The following AXL variants were observed in gnomAD, a reference collection of about 807,000 sequenced individuals.
AXL encodes the protein tyrosine-protein kinase receptor UFO.
AXL carries 52 observed loss-of-function variants against 104.5 expected under a neutral mutation model. The ratio of observed to expected loss-of-function variants is 0.50; its 90% confidence interval spans 0.40 to 0.63. The LOEUF (loss-of-function observed/expected upper bound fraction) is 0.63, where lower values mean the gene tolerates loss of function less well. AXL is among the 20% of genes least tolerant of loss of function. The probability of loss-of-function intolerance (pLI) is 0.00; values close to 1 mark genes in which losing one functional copy is unlikely to be tolerated. For missense variants in AXL, 1,024 were observed against 1,188.5 expected, an observed-to-expected ratio of 0.86 and a Z score of 2.04; for synonymous variants, 455 against 473.7, an observed-to-expected ratio of 0.96 and a Z score of 0.51.
At chr19:41,251,733 C>CAA (rs2034365700) in intron 14 of AXL, among the ~76,000 whole-genome samples, 1 of 151,578 alleles carries the variant, frequency 6.6e-6, no homozygotes, top group Admixed American at 6.6e-5. Flanking sequence ...AAATAAAAAA[C>CAA]AAAAACAAAA....
intron 19 of AXL, among the ~76,000 whole-genome samples, chr19:41,257,896 A>G (rs2034480099): frequency 6.6e-6 from 1 of 152,226 alleles, no homozygotes; most frequent in South Asian, 2.1e-4. Flanking sequence ...ATCCTTGGGT[A>G]GTGAATAACA....
At chr19:41,238,196 G>A (rs75837457) in intron 7 of AXL, 42 bp downstream of exon 7, 13 of 1,600,648 alleles carry the variant, frequency 8.1e-6, no homozygotes, top group African/African-American at 5.4e-5. Context: ...CTGCCCCACC[G>A]GACCTTGCTT....
intron 15 of AXL, 86 bp downstream of exon 15, chr19:41,252,529 T>C (rs1395824099): frequency 1.4e-6 from 2 of 1,472,634 alleles, no homozygotes; most frequent in Non-Finnish European, 1.9e-6. Context: ...CCTGGGAAGA[T>C]CAAACTTCCA....
In AXL at chr19:41,221,660, G is replaced by A. The variant is rs181246771; in HGVS notation, c.410-220G>A. On this transcript the variant is annotated intron_variant, in intron 3 of 19. Coordinates refer to ENST00000301178, the MANE Select transcript of AXL (RefSeq NM_021913.5). The stretch of plus-strand genomic sequence containing the variant: ...GTCAGACATTCTGGAAGAGAGACAT[G>A]AGGAGCTCAGCTATCGTGGGGGGTC... 2.3e-5 allele frequency: 13 copies of A among 565,192 alleles called. No homozygotes were observed. The African/African-American group carries it at 2.5e-4, about 11-fold the overall frequency. The allele number at this position is 565,192 out of a possible 1,614,324, so 35.0% of individuals were successfully genotyped here. A position where few individuals can be genotyped will look rare whatever the true frequency, so the allele number is the denominator to read the frequency against.
chr19:41,233,123 G>A (rs2034021225), intron 6 of AXL, among the ~76,000 whole-genome samples: 1 of 151,610 alleles, frequency 6.6e-6, no homozygotes, highest in Admixed American at 6.6e-5. Context: ...CTGAGTAGCT[G>A]GTATTACAGG....
In AXL at chr19:41,259,966, C is replaced by T. The variant is rs2034512597; in HGVS notation, c.*62C>T. On this transcript the variant is annotated 3_prime_UTR_variant, in exon 20 of 20. Coordinates refer to ENST00000301178, the MANE Select transcript of AXL (RefSeq NM_021913.5). ...AGCTAAGCACTGCCACTGGGGAAAA[C>T]TCCACCTTCCCACTTTCCCACCCCA... is the stretch of plus-strand genomic sequence containing the variant. 11 of 1,419,096 alleles carry T rather than the reference C, an allele frequency of 7.8e-6. No homozygotes were observed. The highest frequency in any genetic ancestry group is 1.4e-5 in the South Asian group (1 of 70,350). The allele number at this position is 1,419,096 out of a possible 1,614,324, so 87.9% of individuals were successfully genotyped here.
intron 4 of AXL, among the ~76,000 whole-genome samples, chr19:41,229,575 A>G (rs2122215676): frequency 6.6e-6 from 1 of 152,250 alleles, no homozygotes; most frequent in South Asian, 2.1e-4. Context: ...AAGCTCCAAT[A>G]TTAACAGGGT....
In AXL at chr19:41,243,621, T is replaced by C. The variant is rs1051706028; in HGVS notation, c.1451T>C (p.Val484Ala). ...CTACTCCCCCTCCCCCCCAGAGAAG[T>C]GTTTGAACCAACAGTGGAAAGAGGT... is the stretch of plus-strand genomic sequence containing the variant. ...RRKKETRYGEVFEPTVERGEL... is the reference protein window; with the variant it reads ...RRKKETRYGEAFEPTVERGEL... Residue 484 changes from valine to alanine, a missense_variant, in exon 12 of 20, where the codon GTG (valine) becomes GCG (alanine). By Grantham distance (64) the Val-to-Ala change is moderately conservative (BLOSUM62 0). This residue lies in a region of AXL where 523 missense variants were observed against 636.0 expected (regional missense o/e 0.82). Coordinates refer to ENST00000301178, the MANE Select transcript of AXL (RefSeq NM_021913.5). 4 of 1,613,458 alleles carry C rather than the reference T, an allele frequency of 2.5e-6. No individual in the cohort carries two copies. The highest frequency in any genetic ancestry group is 1.7e-4 in the Middle Eastern group (1 of 6,056).
intron 8 of AXL, among the ~76,000 whole-genome samples, chr19:41,238,950 C>T (rs1277910798): frequency 2.0e-5 from 3 of 151,676 alleles, no homozygotes; most frequent in African/African-American, 7.3e-5. Context: ...AATACCCTGA[C>T]ATAGGGAGGG....
At chr19:41,227,271 A>G (rs2033897877) in intron 4 of AXL, among the ~76,000 whole-genome samples, 1 of 152,114 alleles carries the variant, frequency 6.6e-6, no homozygotes, top group Non-Finnish European at 1.5e-5. Context: ...AATGAATAAT[A>G]CTAAACCCTG....
rs114599938 is a variant in AXL at position 41,253,348 on chromosome 19, G to A, written c.1927-251G>A. ...AGGCTCGGAGGTGGGAATGATCATC[G>A]TTTGTCTGAAGACCAGACAGGAGTC... On this transcript the variant is annotated intron_variant, in intron 16 of 19. Transcript: ENST00000301178. 3.8e-3 allele frequency among the ~76,000 whole-genome samples: 581 copies of A among 152,202 alleles called. 5 individuals are homozygous for A. Among genetic ancestry groups the A allele is most frequent in the African/African-American group, 0.012 (516 of 41,524 alleles).
intron 10 of AXL, among the ~76,000 whole-genome samples, chr19:41,241,098 C>T (rs1463003732): frequency 6.6e-6 from 1 of 152,166 alleles, no homozygotes; most frequent in African/African-American, 2.4e-5. Flanking sequence ...CAATTACATC[C>T]TTAAAATTCC....
chr19:41,242,405 C>T (rs2122245636), intron 10 of AXL, among the ~76,000 whole-genome samples: 1 of 147,262 alleles, frequency 6.8e-6, no homozygotes, highest in African/African-American at 2.5e-5. Context: ...CTCACTGAAA[C>T]CTCCACCTCC....
At chr19:41,244,042 CA>C (rs1004212646) in intron 12 of AXL, among the ~76,000 whole-genome samples, 159 of 140,914 alleles carry the variant, frequency 1.1e-3, no homozygotes, top group South Asian at 2.9e-3. Flanking sequence ...CCTGTCTCTA[CA>C]AAAAAAAAAA....
intron 17 of AXL, among the ~76,000 whole-genome samples, chr19:41,255,698 C>T (rs1285467134): frequency 6.6e-6 from 1 of 151,798 alleles, no homozygotes; most frequent in African/African-American, 2.4e-5. Context: ...ACCTTGGCCT[C>T]CCAAGGTGCT....
intron 18 of AXL, 143 bp from the exon 19 acceptor site, chr19:41,257,350 T>C: frequency 8.2e-7 from 1 of 1,212,652 alleles, no homozygotes; most frequent in Non-Finnish European, 1.1e-6. Context: ...GGCTAAAGTA[T>C]TATGTTTCTA....
intron 4 of AXL, 95 bp downstream of exon 4, chr19:41,222,151 A>G: frequency 7.7e-7 from 1 of 1,302,706 alleles, no homozygotes; most frequent in Non-Finnish European, 1.0e-6. Flanking sequence ...TGAGTGTCTG[A>G]CTGTCCTTCT....
At position 41,252,962 on chromosome 19, in the gene AXL, C is replaced by T. The variant is rs2122277444; in HGVS notation, c.1921C>T (p.Pro641Ser). The T allele has an allele frequency of 6.2e-7, 1 of 1,614,086 alleles. No homozygotes were observed. The highest frequency in any genetic ancestry group is 8.5e-7 in the Non-Finnish European group (1 of 1,179,988). ...CCTCTATTCCCGGCTCGGGGACCAG[C>T]CAGTGGTAAGGGGCGTTTAATCATT... ...FLLYSRLGDQ[P>S]VYLPTQMLVK... Residue 641 changes from proline to serine, a missense_variant, in exon 16 of 20, where the codon CCA becomes TCA. Coordinates refer to ENST00000301178, the MANE Select transcript of AXL (RefSeq NM_021913.5).
At chr19:41,256,323 A>T in intron 17 of AXL, 129 bp from the exon 18 acceptor site, 4 of 1,095,160 alleles carry the variant, frequency 3.7e-6, no homozygotes, top group Non-Finnish European at 5.4e-6. Flanking sequence ...ATGAAGGTTT[A>T]GGAGACAGAT....
Sources: allele counts gnomAD v4.1 joint callset (sites outside exome capture counted in the v4.1 genomes callset), GRCh38; gene constraint gnomAD v4.1.1; regional missense constraint gnomAD v4.1.1; transcripts MANE v1.5; gene names NCBI Gene and HGNC (gene_info 2026-07-23, HGNC 2026-07-21).